Variants in TNS3 observed in about 807,000 individuals in gnomAD.
TNS3 encodes tensin-3.
In TNS3, 45 loss-of-function variants were observed where a neutral mutation model predicts 140.9. That is an observed-to-expected ratio of 0.32 (90% CI 0.25 to 0.41). The LOEUF (loss-of-function observed/expected upper bound fraction) is 0.41. Ranked by LOEUF, TNS3 falls within the 10% of genes least tolerant of loss-of-function variation. The pLI is 1.00. For synonymous variants in TNS3, 815 were observed against 788.4 expected (o/e 1.03, Z -0.56); for missense variants, 1,716 against 1,906.7 (o/e 0.90, Z 1.86).
chr7:47,496,473 G>T (rs150973755), intron 3 of TNS3, among the ~76,000 whole-genome samples: 5 of 152,140 alleles, frequency 3.3e-5, no homozygotes, highest in South Asian at 4.1e-4. Context: ...GGAAGCAGGC[G>T]GGGGGAGGTG....
In TNS3 at chr7:47,415,223, T is replaced by C; in HGVS notation, c.474-17A>G. Reference sequence around the variant, plus strand: ...TGAACATACCTGCAAAACGGACAGCTGGGTTACACTTCCCAGAAGTGTCTT... The same window carrying C: ...TGAACATACCTGCAAAACGGACAGCCGGGTTACACTTCCCAGAAGTGTCTT... On this transcript the variant is annotated splice_polypyrimidine_tract_variant and intron_variant, in intron 10 of 30. Transcript: ENST00000311160. 6.4e-7 allele frequency: 1 copy of C among 1,573,718 alleles called. No individual in the cohort carries two copies.
At chr7:47,386,263 TC>T (rs927479837) in intron 16 of TNS3, among the ~76,000 whole-genome samples, 8 of 152,058 alleles carry the variant, frequency 5.3e-5, no homozygotes, top group African/African-American at 1.9e-4. Flanking sequence ...CTGGAGGGGG[TC>T]CCCCCACATC....
intron 20 of TNS3, among the ~76,000 whole-genome samples, chr7:47,329,890 A>G (rs1310507096): frequency 2.0e-5 from 3 of 152,092 alleles, no homozygotes; most frequent in African/African-American, 7.2e-5. Context: ...AGCAGGGAGG[A>G]GGAGGCAGGG....
rs145631334 is a variant in TNS3, at chr7:47,322,414, C to G, written c.2651-17411G>C. ...GTTCATGCCTGTAATCCCAGCTACT[C>G]AGGAGGATGAAGCAGGAGAATCGCT... On this transcript the variant is annotated intron_variant, in intron 20 of 30. Coordinates refer to ENST00000311160, the MANE Select transcript of TNS3 (RefSeq NM_022748.12). 2.6e-5 allele frequency among the ~76,000 whole-genome samples: 4 copies of G among 151,988 alleles called. No individual in the cohort carries two copies. In the East Asian group the frequency reaches 5.8e-4, roughly 22 times the overall value.
At position 47,303,176 on chromosome 7, in the gene TNS3, G is replaced by A; in HGVS notation, c.3231C>T (p.His1077=). Residue 1077 remains histidine (H), a synonymous_variant, in exon 22 of 31, where the codon CAC becomes CAT. Transcript: ENST00000311160. ...SHNFLTVAPG[H]SSHHSPGLQG... ...GCAGGCCTGGACTGTGGTGGCTGCT[G>A]TGTCCAGGCGCCACCGTGAGAAAGT... 8 of 1,613,590 alleles carry A rather than the reference G, an allele frequency of 5.0e-6. No homozygotes were observed. The highest frequency in any genetic ancestry group is 2.2e-5 in the East Asian group (1 of 44,878).
chr7:47,432,215 T>C (rs1584645224), intron 8 of TNS3, among the ~76,000 whole-genome samples: 1 of 152,222 alleles, frequency 6.6e-6, no homozygotes, highest in Non-Finnish European at 1.5e-5. Context: ...ATGAGGAACC[T>C]TGCCTTCATG....
At chr7:47,507,607 A>G (rs1022826061) in intron 2 of TNS3, among the ~76,000 whole-genome samples, 1 of 152,174 alleles carries the variant, frequency 6.6e-6, no homozygotes, top group Non-Finnish European at 1.5e-5. Flanking sequence ...AGGCCCTAAC[A>G]ATGCAATGCA....
intron 1 of TNS3, among the ~76,000 whole-genome samples, chr7:47,535,126 C>A (rs897266170): frequency 6.6e-6 from 1 of 152,218 alleles, no homozygotes; most frequent in Non-Finnish European, 1.5e-5. Flanking sequence ...AGGCTCTTTC[C>A]CCTTTGTCCT....
intron 15 of TNS3, 56 bp downstream of exon 15, chr7:47,400,337 A>G: frequency 6.9e-7 from 1 of 1,449,156 alleles, no homozygotes; most frequent in Admixed American, 1.7e-5. Context: ...CGTAGCCATC[A>G]TGCACCTTTC....
Position 47,292,036 on chromosome 7 carries a change from T to C in TNS3, c.3851-4A>G, listed in dbSNP as rs1303784324. Reference sequence around the variant, plus strand: ...TCTGCTATTTCCTCCAATGGATCTGTAGGAAGGGGCAAGAAAATACAGAAA... The same window carrying C: ...TCTGCTATTTCCTCCAATGGATCTGCAGGAAGGGGCAAGAAAATACAGAAA... On this transcript the variant is annotated splice_region_variant and splice_polypyrimidine_tract_variant and intron_variant, in intron 26 of 30. Transcript: ENST00000311160. The C allele has an allele frequency of 3.7e-6, 6 of 1,613,898 alleles. No individual in the cohort carries two copies. The highest frequency in any genetic ancestry group is 1.1e-5 in the South Asian group (1 of 91,010).
chr7:47,493,785 G>A (rs57734631), intron 3 of TNS3, among the ~76,000 whole-genome samples: 1,767 of 150,170 alleles, frequency 0.012, 27 homozygotes, highest in African/African-American at 0.04. Context: ...CCGAGATCGC[G>A]CCACTGCACT....
At chr7:47,493,541 G>A (rs1454993449) in intron 3 of TNS3, among the ~76,000 whole-genome samples, 6 of 152,128 alleles carry the variant, frequency 3.9e-5, no homozygotes, top group South Asian at 2.1e-4. Flanking sequence ...ACAAGAGGCC[G>A]GGCGCGGTGG....
chr7:47,444,159 T>A (rs1289093364), intron 4 of TNS3, among the ~76,000 whole-genome samples: 1 of 152,154 alleles, frequency 6.6e-6, no homozygotes, highest in Non-Finnish European at 1.5e-5. Flanking sequence ...CAAAAAAGTA[T>A]TCAATAAGCC....
At chr7:47,569,011 T>C (rs1439426970) in intron 1 of TNS3, among the ~76,000 whole-genome samples, 1 of 152,262 alleles carries the variant, frequency 6.6e-6, no homozygotes, top group Non-Finnish European at 1.5e-5. Flanking sequence ...GGCAGGGATC[T>C]GAGCAGTTGC....
At position 47,337,525 on chromosome 7, in the gene TNS3, A is replaced by G. The variant is rs570998052; in HGVS notation, c.2650+7230T>C. On this transcript the variant is annotated intron_variant, in intron 20 of 30. Coordinates refer to ENST00000311160, the MANE Select transcript of TNS3 (RefSeq NM_022748.12). ...AATTAGAAAGAGCAGTCAGGCTCCAATTCCACTGTGTTAAGGTCAGCTGAT... is the reference window on the plus strand; with the variant it reads ...AATTAGAAAGAGCAGTCAGGCTCCAGTTCCACTGTGTTAAGGTCAGCTGAT... Among the ~76,000 whole-genome samples the G allele has an allele frequency of 3.3e-5, 5 of 152,378 alleles. No individual in the cohort carries two copies. In the South Asian group the frequency reaches 1.0e-3, roughly 32 times the overall value.
At chr7:47,569,592 G>C (rs1051774330) in intron 1 of TNS3, among the ~76,000 whole-genome samples, 56 of 151,728 alleles carry the variant, frequency 3.7e-4, no homozygotes, top group African/African-American at 1.4e-3. Flanking sequence ...GGTGGCTCAC[G>C]TCTGTAATCC....
chr7:47,426,962 T>A (rs1158155536), intron 9 of TNS3, among the ~76,000 whole-genome samples: 1 of 151,690 alleles, frequency 6.6e-6, no homozygotes, highest in Non-Finnish European at 1.5e-5. Flanking sequence ...CTGTCCCTAC[T>A]AAAAATACAA....
chr7:47,469,524 A>G (rs934863416), intron 4 of TNS3, among the ~76,000 whole-genome samples: 10 of 152,242 alleles, frequency 6.6e-5, no homozygotes, highest in African/African-American at 2.4e-4. Context: ...CAGAACTACC[A>G]TTCAACCCAG....
At chr7:47,518,142 G>C (rs556309686) in intron 2 of TNS3, among the ~76,000 whole-genome samples, 3 of 152,302 alleles carry the variant, frequency 2.0e-5, no homozygotes, top group Admixed American at 2.0e-4. Context: ...GCCTCCCACA[G>C]CACCATTTCC....
Sources: gnomAD v4.1 joint callset for allele counts (sites outside exome capture counted in the v4.1 genomes callset) on GRCh38, gnomAD v4.1.1 for gene constraint, MANE v1.5 for transcripts, NCBI Gene and HGNC (gene_info 2026-07-23, HGNC 2026-07-21) for gene names.